The following NAA11 variants were observed in gnomAD, a reference collection of about 807,000 sequenced individuals.
The protein encoded by NAA11 is N-alpha-acetyltransferase 11.
In NAA11, 15 loss-of-function variants were observed where a neutral mutation model predicts 16.1. The observed-to-expected ratio is 0.93, with a 90% CI of 0.62 to 1.44. The LOEUF is 1.44. Ranked by LOEUF, NAA11 falls within the 40% of genes most tolerant of loss-of-function variation. The pLI is 0.00. For synonymous variants in NAA11, 122 were observed against 112.4 expected, an observed-to-expected ratio of 1.09 and a Z score of -0.54; for missense variants, 298 against 291.3, an observed-to-expected ratio of 1.02 and a Z score of -0.17.
chr4:79,248,164 T>A (rs971187894), intron 2 of NAA11, among the ~76,000 whole-genome samples: 2 of 152,140 alleles, frequency 1.3e-5, no homozygotes, highest in African/African-American at 4.8e-5. Flanking sequence ...GATGCCAAGC[T>A]GTGGTGCCTC....
chr4:79,213,672 T>G, the NAA11 span, among the ~76,000 whole-genome samples: 1 of 152,218 alleles, frequency 6.6e-6, no homozygotes, highest in Admixed American at 6.5e-5. Flanking sequence ...AGACATCATT[T>G]ATCTGCTTAT....
chr4:79,251,573 T>C (rs540318713), intron 2 of NAA11, among the ~76,000 whole-genome samples: 8 of 152,002 alleles, frequency 5.3e-5, no homozygotes, highest in African/African-American at 1.7e-4. Context: ...CAAACTCCCA[T>C]AACAGGCAAT....
chr4:79,216,411 T>G, the NAA11 span, among the ~76,000 whole-genome samples: 1 of 152,136 alleles, frequency 6.6e-6, no homozygotes, highest in African/African-American at 2.4e-5. Context: ...TTTTTAAAAG[T>G]CAATACATTT....
chr4:79,255,345 A>T (rs1203342756), intron 2 of NAA11, among the ~76,000 whole-genome samples: 2 of 152,142 alleles, frequency 1.3e-5, no homozygotes, highest in Non-Finnish European at 2.9e-5. Flanking sequence ...CTTTACTGAT[A>T]TTAATATCAA....
At chr4:79,219,415 G>A in the NAA11 span, among the ~76,000 whole-genome samples, 1 of 152,124 alleles carries the variant, frequency 6.6e-6, no homozygotes, top group East Asian at 1.9e-4. Context: ...TAATGAGCAA[G>A]CTGTTATGAT....
At chr4:79,185,966 A>G in the NAA11 span, among the ~76,000 whole-genome samples, 5 of 152,060 alleles carry the variant, frequency 3.3e-5, no homozygotes, top group South Asian at 6.2e-4. Context: ...ACCGCCCCAC[A>G]TTGTGCCAAA....
chr4:79,257,595 T>C (rs1263350457), intron 2 of NAA11, among the ~76,000 whole-genome samples: 4 of 152,158 alleles, frequency 2.6e-5, no homozygotes, highest in Admixed American at 2.6e-4. Flanking sequence ...AATTTCTTTT[T>C]ACTGCATATT....
intron 2 of NAA11, among the ~76,000 whole-genome samples, chr4:79,235,388 C>T (rs1225420868): frequency 1.3e-5 from 2 of 151,750 alleles, no homozygotes; most frequent in Admixed American, 1.3e-4. Context: ...ACAGCTTCAG[C>T]TTGAAAGAAA....
intron 2 of NAA11, among the ~76,000 whole-genome samples, chr4:79,282,855 AC>A (rs1450693894): frequency 1.3e-5 from 2 of 152,114 alleles, no homozygotes; most frequent in Non-Finnish European, 2.9e-5. Flanking sequence ...GAGAGTGTAG[AC>A]TAAAGAAGAA....
the NAA11 span, among the ~76,000 whole-genome samples, chr4:79,210,278 G>A: frequency 6.6e-6 from 1 of 152,076 alleles, no homozygotes; most frequent in Non-Finnish European, 1.5e-5. Flanking sequence ...ATGTCACAAG[G>A]TACATTATCA....
At chr4:79,210,952 T>G in the NAA11 span, among the ~76,000 whole-genome samples, 1 of 152,194 alleles carries the variant, frequency 6.6e-6, no homozygotes, top group Non-Finnish European at 1.5e-5. Context: ...CTGGGTCTTT[T>G]GTGCAGTGAC....
In NAA11 at chr4:79,292,544, C is replaced by G. The variant is rs536785637; in HGVS notation, c.*122+1461G>C. On this transcript the variant is annotated intron_variant and NMD_transcript_variant, in intron 2 of 2. Coordinates refer to the NAA11 transcript ENST00000511542. The stretch of plus-strand genomic sequence containing the variant: ...TGACTTTCATCACTTCTTATGATTG[C>G]GTATAAAGTACCTGCTGTTGAATGA... Among the ~76,000 whole-genome samples, 161 of 152,160 alleles carry G rather than the reference C, an allele frequency of 1.1e-3. 1 individual carries two copies. Among genetic ancestry groups the G allele is most frequent in the Admixed American group, 2.6e-3 (39 of 15,284 alleles).
chr4:79,224,102 A>G (rs1721259198), downstream of NAA11, among the ~76,000 whole-genome samples: 1 of 152,120 alleles, frequency 6.6e-6, no homozygotes, highest in Non-Finnish European at 1.5e-5. Context: ...AGGGTTCTAG[A>G]TCTGGAAGTC....
At chr4:79,320,789 AT>A (rs199551270) in intron 1 of NAA11, among the ~76,000 whole-genome samples, 1,759 of 152,066 alleles carry the variant, frequency 0.012, 40 homozygotes, top group African/African-American at 0.04. Flanking sequence ...AATGAAAAAT[AT>A]TTTTTTTAGG....
chr4:79,298,702 C>T (rs959523626), intron 1 of NAA11, among the ~76,000 whole-genome samples: 22 of 152,314 alleles, frequency 1.4e-4, no homozygotes, highest in Admixed American at 4.6e-4. Context: ...CATGGATACA[C>T]GCCCTTGGCA....
At chr4:79,313,335 A>G (rs981142520), downstream of NAA11, among the ~76,000 whole-genome samples, 17 of 152,212 alleles carry the variant, frequency 1.1e-4, no homozygotes, top group African/African-American at 3.6e-4. Flanking sequence ...TAAATGAGAA[A>G]ACTGATGTGC....
the NAA11 span, among the ~76,000 whole-genome samples, chr4:79,169,670 A>G: frequency 6.6e-6 from 1 of 152,212 alleles, no homozygotes; most frequent in Non-Finnish European, 1.5e-5. Context: ...AGGCAATACC[A>G]TTCAGGACAT....
chr4:79,165,754 G>T, the NAA11 span, among the ~76,000 whole-genome samples: 2 of 152,148 alleles, frequency 1.3e-5, no homozygotes, highest in South Asian at 2.1e-4. Context: ...AGAGGTAAAG[G>T]TTTTTATTTT....
At chr4:79,187,455 GA>G in the NAA11 span, among the ~76,000 whole-genome samples, 1 of 152,146 alleles carries the variant, frequency 6.6e-6, no homozygotes, top group Non-Finnish European at 1.5e-5. Context: ...TTTACATGGA[GA>G]AAAGTAACAT....
Sources: gnomAD v4.1 joint callset for allele counts (sites outside exome capture counted in the v4.1 genomes callset) on GRCh38, gnomAD v4.1.1 for gene constraint, MANE v1.5 for transcripts, NCBI Gene and HGNC (gene_info 2026-07-23, HGNC 2026-07-21) for gene names.